The following MEGF6 variants were observed in gnomAD, a reference collection of about 807,000 sequenced individuals.
MEGF6 encodes the protein multiple epidermal growth factor-like domains protein 6.
MEGF6 carries 184 observed loss-of-function variants against 207.1 expected under a neutral mutation model. The ratio of observed to expected loss-of-function variants is 0.89; its 90% CI spans 0.79 to 1.00. The LOEUF (loss-of-function observed/expected upper bound fraction) is 1.00, where lower values mean the gene tolerates loss of function less well. Among genes scored for constraint, MEGF6 ranks in the 50% least tolerant of loss-of-function variants. The pLI is 0.00. For synonymous variants in MEGF6, 1,038 were observed against 910.0 expected (o/e 1.14, Z -2.53); for missense variants, 2,282 against 2,202.9 (o/e 1.04, Z -0.72).
At chr1:3,534,420 ATT>A (rs1642265222) in intron 4 of MEGF6, among the ~76,000 whole-genome samples, 1 of 152,204 alleles carries the variant, frequency 6.6e-6, no homozygotes, top group African/African-American at 2.4e-5. Flanking sequence ...TGTGGCTCAC[ATT>A]CTGTTTCTGT....
chr1:3,531,092 C>A (rs1343353904), intron 4 of MEGF6: 6 of 1,526,692 alleles, frequency 3.9e-6, no homozygotes, highest in Middle Eastern at 4.3e-4. Context: ...GGCCTCTGGT[C>A]ACCGGCGCTC....
At chr1:3,612,362 G>GCTAACTTCTAGGGTGCCCATGGGC (rs1557437245), upstream of MEGF6, among the ~76,000 whole-genome samples, 1 of 152,282 alleles carries the variant, frequency 6.6e-6, no homozygotes, top group Admixed American at 6.5e-5. Context: ...TGTCTAGGGT[G>GCTAACTTCTAGGGTGCCCATGGGC]AGGCTTCTGC....
In MEGF6 at chr1:3,587,544, G is replaced by A. The variant is rs149937941; in HGVS notation, c.377-7615C>T. 2.4e-3 allele frequency among the ~76,000 whole-genome samples: 364 copies of A among 152,374 alleles called. 2 individuals are homozygous for A. The highest frequency in any genetic ancestry group is 7.9e-3 in the African/African-American group (329 of 41,590). On this transcript the variant is annotated intron_variant, in intron 3 of 36. Transcript: ENST00000356575. ...AATGTTGACGGGCGTGTGGAGCGGCGGGAGCCTGCGTGCCTGCGGCTCTGA... is the reference window on the plus strand; with the variant it reads ...AATGTTGACGGGCGTGTGGAGCGGCAGGAGCCTGCGTGCCTGCGGCTCTGA...
At chr1:3,613,804 G>A (rs577905353), upstream of MEGF6, among the ~76,000 whole-genome samples, 6 of 151,894 alleles carry the variant, frequency 4.0e-5, no homozygotes, top group African/African-American at 1.2e-4. Context: ...TGCTGGCCCC[G>A]CAGAACCCTG....
At chr1:3,492,542 C>T in intron 35 of MEGF6, 97 bp downstream of exon 35, 2 of 1,549,230 alleles carry the variant, frequency 1.3e-6, no homozygotes, top group Non-Finnish European at 1.8e-6. Context: ...ACCCGGCCAA[C>T]TCCGCAGTGG....
In MEGF6 at chr1:3,488,365, GC is replaced by G. The variant is rs918211173; in HGVS notation, c.*2162del. On this transcript the variant is annotated 3_prime_UTR_variant, in exon 37 of 37. Transcript: ENST00000356575. ...GGGATGAGTGATTGGTACCTGCCAG[GC>G]CCCCCGTCCACACCCTCACACCATG... Among the ~76,000 whole-genome samples the G allele has an allele frequency of 6.6e-6, 1 of 152,116 alleles. No individual in the cohort carries two copies. The highest frequency in any genetic ancestry group is 1.5e-5 in the Non-Finnish European group (1 of 68,028).
intron 4 of MEGF6, among the ~76,000 whole-genome samples, chr1:3,544,469 G>A (rs993692875): frequency 7.9e-5 from 12 of 152,154 alleles, no homozygotes; most frequent in Non-Finnish European, 1.3e-4. Context: ...GGGCTGGCCT[G>A]GGTCAGTGGA....
intron 4 of MEGF6, among the ~76,000 whole-genome samples, chr1:3,547,633 G>A (rs1048445545): frequency 3.9e-5 from 6 of 152,234 alleles, no homozygotes; most frequent in South Asian, 2.1e-4. Context: ...TTCCTGGCGC[G>A]TCTCTGGGGA....
the MEGF6 span, among the ~76,000 whole-genome samples, chr1:3,620,425 A>G: frequency 6.6e-6 from 1 of 152,250 alleles, no homozygotes; most frequent in South Asian, 2.1e-4. Context: ...CAGGGCCAAA[A>G]GGGGTCAAGG....
chr1:3,493,296 C>G (rs1375689248), intron 34 of MEGF6: 2 of 222,718 alleles, frequency 9.0e-6, no homozygotes, highest in Non-Finnish European at 1.8e-5. Flanking sequence ...GTGAGCCCCT[C>G]CTATCCTCAG....
chr1:3,597,981 G>T (rs1308762401), intron 2 of MEGF6, among the ~76,000 whole-genome samples: 1 of 152,238 alleles, frequency 6.6e-6, no homozygotes, highest in Non-Finnish European at 1.5e-5. Flanking sequence ...GGAGGATGGA[G>T]ACAGAGGCAG....
intron 3 of MEGF6, among the ~76,000 whole-genome samples, chr1:3,585,794 AGTGACACATGTCCTGTTGTGGGT>A (rs2101792296): frequency 2.4e-5 from 3 of 122,792 alleles, no homozygotes; most frequent in Non-Finnish European, 4.9e-5. Context: ...TGTGGGTGTG[AGTGACACATGTCCTGTTGTGGGT>A]GTGACACATG....
At chr1:3,579,631 C>T (rs1257480272) in intron 4 of MEGF6, among the ~76,000 whole-genome samples, 194 bp downstream of exon 4, 3 of 152,250 alleles carry the variant, frequency 2.0e-5, no homozygotes, top group African/African-American at 7.2e-5. Context: ...CAGGGTCACC[C>T]TTCCCCTCGA....
chr1:3,541,616 G>C (rs966438866), intron 4 of MEGF6, among the ~76,000 whole-genome samples: 1 of 152,192 alleles, frequency 6.6e-6, no homozygotes, highest in African/African-American at 2.4e-5. Flanking sequence ...CCCGAGGGGG[G>C]CAGCCGGTCA....
intron 1 of MEGF6, among the ~76,000 whole-genome samples, chr1:3,608,749 C>T (rs1028298138): frequency 6.6e-6 from 1 of 152,210 alleles, no homozygotes; most frequent in Non-Finnish European, 1.5e-5. Flanking sequence ...GGTGGGCAAT[C>T]GGCCCCCGTC....
Position 3,556,001 on chromosome 1 carries a change from C to A in MEGF6, c.481+23824G>T, listed in dbSNP as rs779451384. Reference sequence around the variant, plus strand: ...CATCTCAAGTCTGCCCGCCCACCCACAGGACTCACGGGATCCTGGCTGGCC... The same window carrying A: ...CATCTCAAGTCTGCCCGCCCACCCAAAGGACTCACGGGATCCTGGCTGGCC... On this transcript the variant is annotated intron_variant, in intron 4 of 36. Transcript: ENST00000356575. The surrounding 1 kb of genome is among the most constrained non-coding windows in gnomAD (Gnocchi z 4.4). 1.2e-4 allele frequency among the ~76,000 whole-genome samples: 19 copies of A among 152,354 alleles called. No individual in the cohort carries two copies. Among genetic ancestry groups the A allele is most frequent in the African/African-American group, 4.6e-4 (19 of 41,578 alleles).
At chr1:3,584,908 G>A (rs939588015) in intron 3 of MEGF6, among the ~76,000 whole-genome samples, 5 of 152,278 alleles carry the variant, frequency 3.3e-5, no homozygotes, top group Admixed American at 6.5e-5. Context: ...AAGGCGTCAC[G>A]GGGCTCCCCA....
At chr1:3,614,918 T>C (rs1644365611), upstream of MEGF6, among the ~76,000 whole-genome samples, 1 of 152,250 alleles carries the variant, frequency 6.6e-6, no homozygotes, top group Admixed American at 6.5e-5. Context: ...GTATTTCCAC[T>C]GGGTCTTAGC....
intron 1 of MEGF6, 110 bp downstream of exon 1, chr1:3,611,028 T>C: frequency 7.7e-7 from 1 of 1,290,774 alleles, no homozygotes; most frequent in Middle Eastern, 2.8e-4. Context: ...AAACAGCCCA[T>C]TGTTCTGGAG....
Sources: gnomAD v4.1 joint callset for allele counts (sites outside exome capture counted in the v4.1 genomes callset) on GRCh38, gnomAD v4.1.1 for gene constraint, Gnocchi (gnomAD v3.1) non-coding constraint, MANE v1.5 for transcripts, NCBI Gene and HGNC (gene_info 2026-07-23, HGNC 2026-07-21) for gene names.